The following ABLIM2 variants were observed in gnomAD, a reference collection of about 807,000 sequenced individuals.
The protein encoded by ABLIM2 is actin-binding LIM protein 2.
Under a neutral mutation model 97.7 loss-of-function variants are expected in ABLIM2, and 53 were observed. The ratio of observed to expected loss-of-function variants is 0.54; its 90% confidence interval spans 0.44 to 0.68. The LOEUF (loss-of-function observed/expected upper bound fraction) is 0.68, where lower values mean the gene tolerates loss of function less well. ABLIM2 is among the 30% of genes least tolerant of loss of function. The pLI is 0.00. For synonymous variants in ABLIM2, 361 were observed against 345.8 expected (o/e 1.04, Z -0.49); for missense variants, 835 against 867.2 (o/e 0.96, Z 0.47).
In ABLIM2 at chr4:8,150,731, C is replaced by T. The variant is rs547880604; in HGVS notation, c.10+7949G>A. Among the ~76,000 whole-genome samples the T allele has an allele frequency of 4.6e-5, 7 of 152,266 alleles. No individual in the cohort carries two copies. The highest frequency in any genetic ancestry group is 1.4e-4 in the African/African-American group (6 of 41,550). On this transcript the variant is annotated intron_variant, in intron 1 of 20. Transcript: ENST00000447017. This position sits in a 1 kb window ranked among gnomAD's most constrained non-coding sequence, Gnocchi z 6.3. ...ACCACGCCTCCTGAGGATGCTGTGC[C>T]GAGAAAACCGGGAGCTGGGTGGCTC...
chr4:8,114,290 G>T (rs1841756752), intron 1 of ABLIM2, among the ~76,000 whole-genome samples: 1 of 151,852 alleles, frequency 6.6e-6, no homozygotes, highest in Non-Finnish European at 1.5e-5. Flanking sequence ...CACACACCCT[G>T]TGCCAGCTCT....
Position 8,032,818 on chromosome 4 carries a change from A to C in ABLIM2, c.1048-3042T>G. 1.2e-6 allele frequency: 1 copy of C among 831,342 alleles called. No homozygotes were observed. The highest frequency in any genetic ancestry group is 2.3e-5 in the Admixed American group (1 of 44,194). The allele number at this position is 831,342 out of a possible 1,614,324, so 51.5% of individuals were successfully genotyped here. A position where few individuals can be genotyped will look rare whatever the true frequency, so the allele number is the denominator to read the frequency against. ...ATCCTCCAGACAGGAAAAGAACTCTACCCCGAGAGACACAAGTCAGGGTTC... is the reference window on the plus strand; with the variant it reads ...ATCCTCCAGACAGGAAAAGAACTCTCCCCCGAGAGACACAAGTCAGGGTTC... On this transcript the variant is annotated intron_variant, in intron 10 of 20. Coordinates refer to ENST00000447017, the MANE Select transcript of ABLIM2 (RefSeq NM_001130083.2). The surrounding 1 kb of genome is among the most constrained non-coding windows in gnomAD (Gnocchi z 4.3).
chr4:7,981,620 G>A (rs1292121078), intron 20 of ABLIM2, among the ~76,000 whole-genome samples: 1 of 152,026 alleles, frequency 6.6e-6, no homozygotes, highest in Non-Finnish European at 1.5e-5. Flanking sequence ...GTCACTTTAG[G>A]TCAAGTTCCT....
rs900085092 is a variant in ABLIM2, at chr4:8,134,405, C to G, written c.10+24275G>C. On this transcript the variant is annotated intron_variant, in intron 1 of 20. Transcript: ENST00000447017. ...CACTCGCCCAGGCCGGAAACTGGGC[C>G]GTCTCCTGCTGCCCCTCCCTCTCCA... is the stretch of plus-strand genomic sequence containing the variant. Among the ~76,000 whole-genome samples the G allele has an allele frequency of 2.4e-4, 36 of 152,198 alleles. No homozygotes were observed. In the East Asian group the frequency reaches 6.4e-3, roughly 27 times the overall value.
At chr4:8,153,572 A>C (rs1362072290) in intron 1 of ABLIM2, among the ~76,000 whole-genome samples, 2 of 152,172 alleles carry the variant, frequency 1.3e-5, no homozygotes, top group African/African-American at 4.8e-5. Context: ...TCAGGCAGGG[A>C]AAATCTGCAG....
intron 3 of ABLIM2, among the ~76,000 whole-genome samples, chr4:8,088,839 T>C (rs1481473388): frequency 6.6e-6 from 1 of 152,184 alleles, no homozygotes; most frequent in Non-Finnish European, 1.5e-5. Flanking sequence ...AGAGAGGATA[T>C]GTAACTTTTC....
Position 8,058,604 on chromosome 4 carries a change from T to A in ABLIM2, c.763+2363A>T, listed in dbSNP as rs1355233020. Among the ~76,000 whole-genome samples, 2 of 152,086 alleles carry A rather than the reference T, an allele frequency of 1.3e-5. No homozygotes were observed. Among genetic ancestry groups the A allele is most frequent in the Non-Finnish European group, 2.9e-5 (2 of 68,018 alleles). On this transcript the variant is annotated intron_variant, in intron 7 of 20. Coordinates refer to ENST00000447017, the MANE Select transcript of ABLIM2 (RefSeq NM_001130083.2). This position sits in a 1 kb window ranked among gnomAD's most constrained non-coding sequence, Gnocchi z 4.2. ...GGGCCCCTATGCCCCGTCCAATCCA[T>A]CATCAAGTCTGGGGGCTGCACTCCA...
At chr4:8,040,766 T>C (rs1318815080) in intron 9 of ABLIM2, among the ~76,000 whole-genome samples, 2 of 152,194 alleles carry the variant, frequency 1.3e-5, no homozygotes, top group Admixed American at 6.5e-5. Flanking sequence ...AGCAGGGCTG[T>C]TCGGGCTTCT....
rs1824318078 is a variant in ABLIM2 at position 8,087,296 on chromosome 4, C to A, written c.454+873G>T. On this transcript the variant is annotated intron_variant, in intron 4 of 20. Coordinates refer to ENST00000447017, the MANE Select transcript of ABLIM2 (RefSeq NM_001130083.2). This position sits in a 1 kb window ranked among gnomAD's most constrained non-coding sequence, Gnocchi z 4.6. ...CATCTCATGATCCGGCAGAGCCACC[C>A]CAGCTGGGAAAGGCCACCTGGCTGC... Among the ~76,000 whole-genome samples the A allele has an allele frequency of 6.6e-6, 1 of 152,212 alleles. No individual in the cohort carries two copies. The highest frequency in any genetic ancestry group is 6.5e-5 in the Admixed American group (1 of 15,290).
chr4:8,069,375 G>A lies in ABLIM2; in HGVS notation c.675+8253C>T, dbSNP rs1047047143. ...GAATCCCGCCTGTGGATGTTCACAC[G>A]CACTGCAGCGTGTCCAGGCTCGGAG... On this transcript the variant is annotated intron_variant, in intron 6 of 20. Coordinates refer to ENST00000447017, the MANE Select transcript of ABLIM2 (RefSeq NM_001130083.2). The surrounding 1 kb of genome is among the most constrained non-coding windows in gnomAD (Gnocchi z 4.2). 6.6e-6 allele frequency among the ~76,000 whole-genome samples: 1 copy of A among 152,234 alleles called. No homozygotes were observed. The highest frequency in any genetic ancestry group is 2.4e-5 in the African/African-American group (1 of 41,464).
Position 8,071,948 on chromosome 4 carries a change from A to C in ABLIM2, c.675+5680T>G, listed in dbSNP as rs1449207884. The C allele has an allele frequency of 1.1e-5, 11 of 985,362 alleles. No homozygotes were observed. Among genetic ancestry groups the C allele is most frequent in the Non-Finnish European group, 1.1e-5 (9 of 830,012 alleles). 61.0% of individuals were successfully genotyped at this position (985,362 alleles called of 1,614,324 possible). On this transcript the variant is annotated intron_variant, in intron 6 of 20. Transcript: ENST00000447017. This position sits in a 1 kb window ranked among gnomAD's most constrained non-coding sequence, Gnocchi z 6.2. ...GGGGCACCGGCACACTGGGCCGAGCATCAGGCAGTGCCACCGCGGCGGCGG... is the reference window on the plus strand; with the variant it reads ...GGGGCACCGGCACACTGGGCCGAGCCTCAGGCAGTGCCACCGCGGCGGCGG...
At chr4:7,969,314 T>G (rs1239782001) in intron 20 of ABLIM2, among the ~76,000 whole-genome samples, 2 of 151,682 alleles carry the variant, frequency 1.3e-5, no homozygotes, top group Non-Finnish European at 2.9e-5. Flanking sequence ...ATTAGCTGGG[T>G]GCGCTGGCGT....
chr4:8,129,510 A>G (rs1849057450), intron 1 of ABLIM2, among the ~76,000 whole-genome samples: 1 of 152,262 alleles, frequency 6.6e-6, no homozygotes, highest in African/African-American at 2.4e-5. Flanking sequence ...ATGCAATAAG[A>G]CTAAGACACG....
Position 7,992,996 on chromosome 4 carries a change from G to T in ABLIM2, c.1619-69C>A. The T allele has an allele frequency of 6.5e-7, 1 of 1,548,506 alleles. No individual in the cohort carries two copies. Among genetic ancestry groups the T allele is most frequent in the Non-Finnish European group, 8.8e-7 (1 of 1,130,756 alleles). On this transcript the variant is annotated intron_variant, in intron 16 of 20. Coordinates refer to ENST00000447017, the MANE Select transcript of ABLIM2 (RefSeq NM_001130083.2). The surrounding 1 kb of genome is among the most constrained non-coding windows in gnomAD (Gnocchi z 5.7). The stretch of plus-strand genomic sequence containing the variant: ...TGCAGCAATGGGGGTGCAGCCCTGG[G>T]GGGGCTTCCCACCGGGGTGGGCAAG...
At chr4:8,073,095 A>G (rs1164143455) in intron 6 of ABLIM2, among the ~76,000 whole-genome samples, 1 of 151,694 alleles carries the variant, frequency 6.6e-6, no homozygotes, top group Non-Finnish European at 1.5e-5. Context: ...AACACTCTCT[A>G]AAACGCCACT....
intron 18 of ABLIM2, among the ~76,000 whole-genome samples, chr4:7,983,977 C>T (rs13124202): frequency 0.1 from 15,499 of 152,274 alleles, 988 homozygotes; most frequent in Non-Finnish European, 0.15. Context: ...CATCTCTCAC[C>T]GTCTTACCTT....
At position 8,068,978 on chromosome 4, in the gene ABLIM2, C is replaced by T. The variant is rs1809913089; in HGVS notation, c.676-7924G>A. 6.6e-6 allele frequency among the ~76,000 whole-genome samples: 1 copy of T among 152,262 alleles called. No homozygotes were observed. The highest frequency in any genetic ancestry group is 1.5e-5 in the Non-Finnish European group (1 of 68,044). The stretch of plus-strand genomic sequence containing the variant: ...CAGAATCCCCAGAATCCCCAGGGGC[C>T]ACTGCATCCCAGAAAGAAGGGCCCC... On this transcript the variant is annotated intron_variant, in intron 6 of 20. Transcript: ENST00000447017. This position sits in a 1 kb window ranked among gnomAD's most constrained non-coding sequence, Gnocchi z 4.5.
At chr4:8,116,354 C>T (rs1842771859) in intron 1 of ABLIM2, among the ~76,000 whole-genome samples, 1 of 152,218 alleles carries the variant, frequency 6.6e-6, no homozygotes, top group Non-Finnish European at 1.5e-5. Flanking sequence ...CCATCCCACC[C>T]TGCTGAGAAG....
intron 7 of ABLIM2, among the ~76,000 whole-genome samples, chr4:8,060,133 T>C (rs1345736434): frequency 1.3e-5 from 2 of 152,170 alleles, no homozygotes; most frequent in East Asian, 1.9e-4. Context: ...CTTCCCCTTA[T>C]AAGAGTCGTT....
Sources: gnomAD v4.1 joint callset for allele counts (sites outside exome capture counted in the v4.1 genomes callset) on GRCh38, gnomAD v4.1.1 for gene constraint, Gnocchi (gnomAD v3.1) non-coding constraint, MANE v1.5 for transcripts, NCBI Gene and HGNC (gene_info 2026-07-23, HGNC 2026-07-21) for gene names.